The following CD109 variants were observed in gnomAD, a reference collection of about 807,000 sequenced individuals.
CD109 encodes the protein CD109 antigen.
In CD109, 149 loss-of-function variants were observed where a neutral mutation model predicts 165.8. The observed-to-expected ratio is 0.90, with a 90% CI of 0.79 to 1.03. The LOEUF is 1.03. CD109 is among the 50% of genes least tolerant of loss of function. The pLI, the probability that CD109 is intolerant of heterozygous loss-of-function variation, is 0.00. For synonymous variants in CD109, 585 were observed against 592.1 expected (o/e 0.99, Z 0.18); for missense variants, 1,712 against 1,677.8 (o/e 1.02, Z -0.36).
intron 2 of CD109, among the ~76,000 whole-genome samples, chr6:73,721,173 A>G (rs1351348569): frequency 1.3e-5 from 2 of 152,094 alleles, no homozygotes; most frequent in Admixed American, 6.6e-5. Context: ...TTCCTATGAT[A>G]ACAGTTATTA....
At chr6:73,755,791 T>C (rs1158287446) in intron 5 of CD109, among the ~76,000 whole-genome samples, 1 of 137,498 alleles carries the variant, frequency 7.3e-6, no homozygotes, top group Non-Finnish European at 1.6e-5. Context: ...AAAATCCTGT[T>C]CTACTTAAAA....
At chr6:73,743,002 G>A (rs939360879) in intron 5 of CD109, among the ~76,000 whole-genome samples, 27 of 152,122 alleles carry the variant, frequency 1.8e-4, no homozygotes, top group African/African-American at 6.5e-4. Context: ...AGGCAGTGTT[G>A]GGCAGTGTTG....
At chr6:73,691,931 C>T (rs1045010003), upstream of CD109, among the ~76,000 whole-genome samples, 1 of 152,086 alleles carries the variant, frequency 6.6e-6, no homozygotes, top group Non-Finnish European at 1.5e-5. Context: ...TCTAGGGAGG[C>T]CTCAGGGAGC....
intron 2 of CD109, among the ~76,000 whole-genome samples, chr6:73,717,445 A>C (rs547766349): frequency 6.6e-6 from 1 of 150,962 alleles, no homozygotes; most frequent in African/African-American, 2.4e-5. Flanking sequence ...GTCATCTTCA[A>C]TTTTTTTCAT....
At chr6:73,818,687 TC>T in intron 31 of CD109, 152 bp downstream of exon 31, 1 of 687,204 alleles carries the variant, frequency 1.5e-6, no homozygotes, top group Non-Finnish European at 2.4e-6. Flanking sequence ...TATATTTATC[TC>T]CATTAGAAAG....
intron 15 of CD109, among the ~76,000 whole-genome samples, chr6:73,777,978 G>A (rs1038827441): frequency 2.6e-5 from 4 of 152,158 alleles, no homozygotes; most frequent in African/African-American, 9.7e-5. Context: ...GAATAGCATT[G>A]AATACATAAA....
At chr6:73,726,885 C>T (rs1256978169) in intron 3 of CD109, among the ~76,000 whole-genome samples, 1 of 152,222 alleles carries the variant, frequency 6.6e-6, no homozygotes, top group Non-Finnish European at 1.5e-5. Context: ...CTGCACCTTC[C>T]TCCAGCCCTG....
chr6:73,757,106 A>G (rs895186020), intron 6 of CD109, among the ~76,000 whole-genome samples: 5 of 152,210 alleles, frequency 3.3e-5, no homozygotes, highest in African/African-American at 1.2e-4. Context: ...TTAGAAACCC[A>G]TAGATAAAAA....
At chr6:73,688,935 A>T in the CD109 span, among the ~76,000 whole-genome samples, 1 of 151,406 alleles carries the variant, frequency 6.6e-6, no homozygotes, top group Admixed American at 6.6e-5. Context: ...CATCTGGCTA[A>T]TTTTTTTGAT....
chr6:73,791,192 CATATATATATATATAT>C (rs58117133), intron 22 of CD109, among the ~76,000 whole-genome samples: 1 of 69,234 alleles, frequency 1.4e-5, no homozygotes, highest in Non-Finnish European at 2.4e-5. Context: ...CACACACATA[CATATATATATATATAT>C]ATATATATAT....
chr6:73,705,737 G>T (rs1444792483), intron 2 of CD109, among the ~76,000 whole-genome samples: 1 of 152,160 alleles, frequency 6.6e-6, no homozygotes, highest in African/African-American at 2.4e-5. Flanking sequence ...CAAGAAGGAA[G>T]GTTTAATAGT....
At chr6:73,714,214 G>A (rs1427928251) in intron 2 of CD109, among the ~76,000 whole-genome samples, 1 of 152,140 alleles carries the variant, frequency 6.6e-6, no homozygotes, top group African/African-American at 2.4e-5. Flanking sequence ...ACTTTTTCCC[G>A]AAAGCTGCTA....
chr6:73,756,726 A>G (rs1313907208), intron 6 of CD109, 44 bp downstream of exon 6: 5 of 1,356,930 alleles, frequency 3.7e-6, no homozygotes, highest in Middle Eastern at 3.7e-4. Flanking sequence ...AACATTTGTT[A>G]CTTTCAGCAG....
Position 73,787,370 on chromosome 6 carries a change from C to T in CD109, c.2474C>T (p.Thr825Ile). The change falls in exon 21 of 33, where the codon ACA becomes ATA. Residue 825 changes from threonine (T) to isoleucine (I), a missense_variant. By Grantham distance (89) the Thr-to-Ile change is moderately conservative. Transcript: ENST00000287097. ...GATVLFPIRP[T>I]HLGEIPITVT... ...ACTGTTCTTTTTCCCATCAGGCCAA[C>T]ACATCTGGGAGAAATTCCTATCACA... is the stretch of plus-strand genomic sequence containing the variant. 6.2e-7 allele frequency: 1 copy of T among 1,614,094 alleles called. No homozygotes were observed. The highest frequency in any genetic ancestry group is 8.5e-7 in the Non-Finnish European group (1 of 1,179,958).
chr6:73,753,280 T>C lies in CD109; in HGVS notation c.634-3363T>C, dbSNP rs548869850. Among the ~76,000 whole-genome samples, 110 of 152,342 alleles carry C rather than the reference T, an allele frequency of 7.2e-4. No individual in the cohort carries two copies. The South Asian group carries it at 9.5e-3, about 13-fold the overall frequency. ...AAAGTTTGCAGATCCCTGTTCTAGA[T>C]TAATGAAAGTACTCAGTATCAGTGT... is the stretch of plus-strand genomic sequence containing the variant. On this transcript the variant is annotated intron_variant, in intron 5 of 32. Transcript: ENST00000287097.
chr6:73,826,928 G>A lies in CD109; in HGVS notation c.*3295G>A, dbSNP rs758848187. The A allele has an allele frequency of 2.7e-5, 4 of 149,502 alleles. No individual in the cohort carries two copies. Among genetic ancestry groups the A allele is most frequent in the Non-Finnish European group, 5.9e-5 (4 of 67,662 alleles). 9.3% of individuals were successfully genotyped at this position (149,502 alleles called of 1,614,324 possible). A position where few individuals can be genotyped will look rare whatever the true frequency, so the allele number is the denominator to read the frequency against. On this transcript the variant is annotated 3_prime_UTR_variant, in exon 33 of 33. Transcript: ENST00000287097. ...TGCTAAACATATTTATAAGTAGTCT[G>A]TCAATATAATACCAACTATTTTTAT...
rs548485758 is a variant in CD109, at chr6:73,715,851, A to T, written c.248-7400A>T. Among the ~76,000 whole-genome samples, 3 of 152,298 alleles carry T rather than the reference A, an allele frequency of 2.0e-5. No homozygotes were observed. In the South Asian group the frequency reaches 6.2e-4, roughly 32 times the overall value. ...TACAGTCCTCCTGTTGTGCTATCAAATACTAGGTCTTATTCATTTTTCTAA... is the reference window on the plus strand; with the variant it reads ...TACAGTCCTCCTGTTGTGCTATCAATTACTAGGTCTTATTCATTTTTCTAA... On this transcript the variant is annotated intron_variant, in intron 2 of 32. Coordinates refer to ENST00000287097, the MANE Select transcript of CD109 (RefSeq NM_133493.5).
intron 3 of CD109, among the ~76,000 whole-genome samples, chr6:73,727,386 G>A (rs1264776263): frequency 6.6e-6 from 1 of 151,970 alleles, no homozygotes; most frequent in Admixed American, 6.6e-5. Flanking sequence ...CTTGCCCTGG[G>A]ACTAACACTG....
At chr6:73,799,264 TTTTG>T (rs1200558663) in intron 23 of CD109, among the ~76,000 whole-genome samples, 11 of 152,228 alleles carry the variant, frequency 7.2e-5, no homozygotes, top group Admixed American at 2.0e-4. Flanking sequence ...TTTTTTCCAC[TTTTG>T]TTTATGTTTT....
Sources: gnomAD v4.1 joint callset for allele counts (sites outside exome capture counted in the v4.1 genomes callset) on GRCh38, gnomAD v4.1.1 for gene constraint, MANE v1.5 for transcripts, NCBI Gene and HGNC (gene_info 2026-07-23, HGNC 2026-07-21) for gene names.